ASIC2: variants seen among roughly 807,000 people sequenced by gnomAD.
The protein encoded by ASIC2 is acid sensing ion channel subunit 2.
A neutral mutation model predicts 57.3 loss-of-function variants in ASIC2; 25 were observed. The observed-to-expected ratio is 0.44, with a 90% CI of 0.32 to 0.61. ASIC2 has a LOEUF of 0.61. Ranked by LOEUF, ASIC2 falls within the 20% of genes least tolerant of loss-of-function variation. The pLI is 0.06. For missense variants in ASIC2, 641 were observed against 738.1 expected (o/e 0.87, Z 1.52); for synonymous variants, 319 against 307.5 (o/e 1.04, Z -0.39).
chr17:33,557,777 T>G (rs1219640316), intron 1 of ASIC2, among the ~76,000 whole-genome samples: 1 of 152,168 alleles, frequency 6.6e-6, no homozygotes, highest in Non-Finnish European at 1.5e-5. Context: ...ATCCAACTCA[T>G]CACTATATTA....
At chr17:34,093,469 C>G (rs1218764972) in intron 1 of ASIC2, among the ~76,000 whole-genome samples, 1 of 152,204 alleles carries the variant, frequency 6.6e-6, no homozygotes, top group Non-Finnish European at 1.5e-5. Context: ...TGTGACTTGC[C>G]TCGGTTGTGC....
chr17:34,093,990 C>T (rs1357727435), intron 1 of ASIC2, among the ~76,000 whole-genome samples: 1 of 152,138 alleles, frequency 6.6e-6, no homozygotes, highest in Non-Finnish European at 1.5e-5. Flanking sequence ...CTTTTTAATG[C>T]AGCGCACATG....
At chr17:33,432,744 A>G (rs1451094185) in intron 1 of ASIC2, among the ~76,000 whole-genome samples, 1 of 152,202 alleles carries the variant, frequency 6.6e-6, no homozygotes, top group Non-Finnish European at 1.5e-5. Flanking sequence ...TGGGCAAAGG[A>G]CATGAACAGA....
intron 1 of ASIC2, among the ~76,000 whole-genome samples, chr17:33,956,277 G>A (rs754335810): frequency 2.0e-5 from 3 of 152,208 alleles, no homozygotes; most frequent in Non-Finnish European, 4.4e-5. Flanking sequence ...TTCAAAGTCT[G>A]AAGTGGGTTG....
At chr17:33,601,888 C>T (rs1159426437) in intron 1 of ASIC2, among the ~76,000 whole-genome samples, 1 of 152,242 alleles carries the variant, frequency 6.6e-6, no homozygotes, top group Non-Finnish European at 1.5e-5. Context: ...CGTGTTTTCC[C>T]TGCTGGTTTT....
intron 1 of ASIC2, among the ~76,000 whole-genome samples, chr17:33,809,626 G>C (rs1326707622): frequency 6.6e-6 from 1 of 152,196 alleles, no homozygotes; most frequent in Non-Finnish European, 1.5e-5. Context: ...AGAGTGCATG[G>C]TGTACCCAAA....
chr17:33,373,599 G>A (rs953315587), intron 1 of ASIC2, among the ~76,000 whole-genome samples: 29 of 152,194 alleles, frequency 1.9e-4, no homozygotes, highest in Admixed American at 9.2e-4. Flanking sequence ...CAGGAGTCAT[G>A]TGGCTAGAGG....
Position 33,028,248 on chromosome 17 carries a change from T to A in ASIC2, c.1132A>T (p.Met378Leu). The change falls in exon 4 of 10, where the codon ATG (methionine) becomes TTG (leucine). Residue 378 changes from methionine to leucine, a missense_variant. Coordinates refer to ENST00000225823, the MANE Select transcript of ASIC2 (RefSeq NM_183377.2). Reference sequence around the variant, plus strand: ...ACCCTGCCCTGGCACTGACCTGGCATGTGAACCATGCGGCAGTTGCAGTTT... The same window carrying A: ...ACCCTGCCCTGGCACTGACCTGGCAAGTGAACCATGCGGCAGTTGCAGTTT... ...VENCNCRMVH[M>L]PGDAPFCTPE... 6.2e-7 allele frequency: 1 copy of A among 1,613,996 alleles called. No homozygotes were observed. Among genetic ancestry groups the A allele is most frequent in the Non-Finnish European group, 8.5e-7 (1 of 1,180,016 alleles).
rs112113545 is a variant in ASIC2, at chr17:33,114,584, A to G, written c.709-2517T>C. On this transcript the variant is annotated intron_variant, in intron 1 of 9. Transcript: ENST00000225823. Reference sequence around the variant, plus strand: ...CCTTTTAGTCCCTGAACTTCAGAATACTGGGCTGGGGTTAGAGAGTAGTGT... The same window carrying G: ...CCTTTTAGTCCCTGAACTTCAGAATGCTGGGCTGGGGTTAGAGAGTAGTGT... Among the ~76,000 whole-genome samples the G allele has an allele frequency of 3.7e-3, 557 of 152,366 alleles. 4 individuals are homozygous for G. Among genetic ancestry groups the G allele is most frequent in the African/African-American group, 0.012 (502 of 41,588 alleles).
At chr17:33,493,378 C>T (rs1327686906) in intron 1 of ASIC2, among the ~76,000 whole-genome samples, 3 of 152,198 alleles carry the variant, frequency 2.0e-5, no homozygotes, top group African/African-American at 4.8e-5. Context: ...CTGGGATACG[C>T]TTCACCCAGT....
At chr17:33,163,999 T>C (rs115871899) in intron 1 of ASIC2, among the ~76,000 whole-genome samples, 2,995 of 152,336 alleles carry the variant, frequency 0.02, 116 homozygotes, top group African/African-American at 0.069. Flanking sequence ...CCTCAATTCA[T>C]AGGCGGGAAA....
chr17:33,075,101 A>C (rs1303757539), intron 3 of ASIC2, among the ~76,000 whole-genome samples: 2 of 152,106 alleles, frequency 1.3e-5, no homozygotes, highest in African/African-American at 4.8e-5. Context: ...CACAATTCCC[A>C]TGTGTTGTGG....
At chr17:34,111,568 G>C (rs1424461238) in intron 1 of ASIC2, among the ~76,000 whole-genome samples, 1 of 152,004 alleles carries the variant, frequency 6.6e-6, no homozygotes, top group African/African-American at 2.4e-5. Flanking sequence ...ACGTTATTCT[G>C]CTGCTAATTC....
chr17:33,175,835 T>C (rs1017783897), intron 1 of ASIC2, among the ~76,000 whole-genome samples: 1 of 152,146 alleles, frequency 6.6e-6, no homozygotes, highest in Non-Finnish European at 1.5e-5. Context: ...TTCCAGTGTA[T>C]TCTCCACCTT....
intron 1 of ASIC2, among the ~76,000 whole-genome samples, chr17:34,115,388 A>G (rs1369092898): frequency 1.3e-5 from 2 of 152,202 alleles, no homozygotes; most frequent in African/African-American, 4.8e-5. Context: ...AATGTTGCCC[A>G]TGACAAGTAG....
chr17:33,280,872 T>G (rs1440515861), intron 1 of ASIC2, among the ~76,000 whole-genome samples: 1 of 152,182 alleles, frequency 6.6e-6, no homozygotes, highest in Non-Finnish European at 1.5e-5. Context: ...TGGATGCCCG[T>G]GCCATTTCAA....
chr17:33,846,810 T>C (rs317389), intron 1 of ASIC2, among the ~76,000 whole-genome samples: 112,728 of 151,424 alleles, frequency 0.74, 42,228 homozygotes, highest in East Asian at 0.96. Context: ...CTGCAAGCTC[T>C]GCCTCCCGGG....
chr17:34,101,947 T>C (rs1910881346), intron 1 of ASIC2, among the ~76,000 whole-genome samples: 1 of 152,196 alleles, frequency 6.6e-6, no homozygotes, highest in African/African-American at 2.4e-5. Context: ...TCAATAATTA[T>C]AGCTTACAGT....
In ASIC2 at chr17:33,764,022, C is replaced by A. The variant is rs7212934; in HGVS notation, c.555+391956G>T. ...AGAGTCTTTGATTTCGGCCGGGTGC[C>A]GTGGCTCGCGCCTGTAATCCCAGCA... On this transcript the variant is annotated intron_variant, in intron 1 of 9. Transcript: ENST00000359872. 8.1e-3 allele frequency among the ~76,000 whole-genome samples: 1,225 copies of A among 152,108 alleles called. 18 individuals carry two copies. The highest frequency in any genetic ancestry group is 0.028 in the African/African-American group (1,147 of 41,494).
Sources: allele counts gnomAD v4.1 joint callset (sites outside exome capture counted in the v4.1 genomes callset), GRCh38; gene constraint gnomAD v4.1.1; transcripts MANE v1.5; gene names NCBI Gene and HGNC (gene_info 2026-07-23, HGNC 2026-07-21).